Variants in UGT3A1 observed in about 807,000 individuals in gnomAD.
UGT3A1 encodes UDP-glycosyltransferase 3A1.
A neutral mutation model predicts 37.6 loss-of-function variants in UGT3A1; 40 were observed. That is an observed-to-expected ratio of 1.06 (90% confidence interval 0.83 to 1.38). UGT3A1 has a LOEUF of 1.38. UGT3A1 is among the 40% of genes most tolerant of loss of function. The pLI, the probability that UGT3A1 is intolerant of heterozygous loss-of-function variation, is 0.00. For synonymous variants in UGT3A1, 256 were observed against 232.3 expected, an observed-to-expected ratio of 1.10 and a Z score of -0.93; for missense variants, 642 against 634.2, an observed-to-expected ratio of 1.01 and a Z score of -0.13.
In UGT3A1 at chr5:35,954,459, C is replaced by T; in HGVS notation, c.1315G>A (p.Ala439Thr). The T allele has an allele frequency of 6.2e-7, 1 of 1,613,926 alleles. No individual in the cohort carries two copies. Residue 439 changes from alanine (A) to threonine (T), a missense_variant, in exon 7 of 7, where the codon GCA becomes ACA. Coordinates refer to ENST00000274278, the MANE Select transcript of UGT3A1 (RefSeq NM_152404.4). ...EDKRYKSAVV[A>T]ASVILHSQPL... ...TGAGAGTGCAGGATGACACTGGCTG[C>T]CACCACTGCCGACTTGTACCTGTTG...
At chr5:35,964,457 C>A (rs1434335018) in intron 4 of UGT3A1, among the ~76,000 whole-genome samples, 2 of 152,132 alleles carry the variant, frequency 1.3e-5, no homozygotes, top group Admixed American at 6.5e-5. Context: ...ACACCTACCA[C>A]CAATGCAAAG....
chr5:35,984,526 G>T (rs552894154), intron 2 of UGT3A1, among the ~76,000 whole-genome samples: 1 of 147,468 alleles, frequency 6.8e-6, no homozygotes, highest in African/African-American at 2.5e-5. Flanking sequence ...AGGCTGGAGT[G>T]CAGTGGGGCA....
chr5:35,973,487 T>C (rs1158312411), intron 2 of UGT3A1, among the ~76,000 whole-genome samples: 3 of 152,142 alleles, frequency 2.0e-5, no homozygotes, highest in Non-Finnish European at 4.4e-5. Context: ...GTTTGGTTAA[T>C]TGAATTAAAC....
At chr5:35,986,068 C>G (rs2149989637) in intron 2 of UGT3A1, among the ~76,000 whole-genome samples, 1 of 152,070 alleles carries the variant, frequency 6.6e-6, no homozygotes, top group African/African-American at 2.4e-5. Flanking sequence ...AAATAACCAA[C>G]AGATACATAA....
At chr5:35,991,080 G>T (rs1228014899) in intron 1 of UGT3A1, 67 bp downstream of exon 1, 29 of 1,613,798 alleles carry the variant, frequency 1.8e-5, no homozygotes, top group Non-Finnish European at 2.4e-5. Context: ...ATCGCCGTTC[G>T]CTGGAGCCCT....
At chr5:35,980,195 CT>C (rs1561468610) in intron 2 of UGT3A1, among the ~76,000 whole-genome samples, 1 of 152,176 alleles carries the variant, frequency 6.6e-6, no homozygotes, top group South Asian at 2.1e-4. Context: ...GAAGTTCAAT[CT>C]GTGGCCATGA....
At chr5:35,990,101 A>AG (rs1184815344) in intron 1 of UGT3A1, among the ~76,000 whole-genome samples, 1 of 148,482 alleles carries the variant, frequency 6.7e-6, no homozygotes, top group Non-Finnish European at 1.5e-5. Context: ...CAAAAAAAAA[A>AG]AAAAAAAGAA....
At position 35,965,882 on chromosome 5, in the gene UGT3A1, A is replaced by G; in HGVS notation, c.347T>C (p.Ile116Thr). The G allele has an allele frequency of 6.3e-7, 1 of 1,586,488 alleles. No homozygotes were observed. Among genetic ancestry groups the G allele is most frequent in the Non-Finnish European group, 8.6e-7 (1 of 1,168,944 alleles). Residue 116 changes from isoleucine (I) to threonine (T), a missense_variant, in exon 4 of 7, where the codon ATA becomes ACA. Physicochemically the swap from Ile to Thr is moderately conservative, Grantham distance 89. Transcript: ENST00000274278. ...ESEALVKLME[I>T]FGTQCSYLLS... ...CAAATAACTACATTGAGTCCCAAAT[A>G]TTTCCATTAGCTTTACAAGGGCTTC...
chr5:35,995,443 C>A (rs1387023822), upstream of UGT3A1, among the ~76,000 whole-genome samples: 1 of 152,190 alleles, frequency 6.6e-6, no homozygotes, highest in African/African-American at 2.4e-5. Context: ...GGCTGAATTA[C>A]GAGGCATAGT....
intron 1 of UGT3A1, 82 bp downstream of exon 1, chr5:35,991,065 G>A (rs1299496084): frequency 6.2e-7 from 1 of 1,613,574 alleles, no homozygotes; most frequent in East Asian, 2.2e-5. Context: ...GGATAACTCT[G>A]ATCAATCGCC....
intron 2 of UGT3A1, among the ~76,000 whole-genome samples, chr5:35,973,903 G>A (rs1260364534): frequency 1.3e-5 from 2 of 152,194 alleles, no homozygotes; most frequent in Non-Finnish European, 2.9e-5. Context: ...TGGAGACCTA[G>A]AGCATTAGCT....
intron 3 of UGT3A1, among the ~76,000 whole-genome samples, chr5:35,967,097 T>C: frequency 6.6e-6 from 1 of 152,034 alleles, no homozygotes; most frequent in East Asian, 1.9e-4. Context: ...ACTTAGAAAA[T>C]ATTTAACATG....
rs556303643 is a variant in UGT3A1, at chr5:35,975,361, G to A, written c.197-7228C>T. Among the ~76,000 whole-genome samples the A allele has an allele frequency of 2.0e-5, 3 of 152,312 alleles. No individual in the cohort carries two copies. In the East Asian group the frequency reaches 5.8e-4, roughly 29 times the overall value. ...GGTAACCTAGTCAGCTATCCAGGTA[G>A]CAGATTGATTACATTGGACCAATTC... On this transcript the variant is annotated intron_variant, in intron 2 of 6. Coordinates refer to ENST00000274278, the MANE Select transcript of UGT3A1 (RefSeq NM_152404.4).
In UGT3A1 at chr5:35,965,604, T is replaced by A. The variant is rs1739771691; in HGVS notation, c.625A>T (p.Ser209Cys). 2 of 1,613,990 alleles carry A rather than the reference T, an allele frequency of 1.2e-6. No individual in the cohort carries two copies. The highest frequency in any genetic ancestry group is 2.2e-5 in the South Asian group (2 of 91,078). ...GRVKNFLMFF[S>C]FSRSQWDMQS... The stretch of plus-strand genomic sequence containing the variant: ...ATGTCCCATTGGCTCCTGGAGAAAC[T>A]AAAGAACATCAGAAAATTCTTCACT... Residue 209 changes from serine (S) to cysteine (C), a missense_variant, in exon 4 of 7, where the codon AGT becomes TGT. Ser to Cys is a moderately radical substitution (Grantham distance 112, BLOSUM62 -1). Coordinates refer to ENST00000274278, the MANE Select transcript of UGT3A1 (RefSeq NM_152404.4).
chr5:35,994,696 G>C (rs1171908031), upstream of UGT3A1, among the ~76,000 whole-genome samples: 1 of 152,104 alleles, frequency 6.6e-6, no homozygotes, highest in Non-Finnish European at 1.5e-5. Flanking sequence ...GACTGAACCA[G>C]TTTAGGTTGT....
rs781343784 is a variant in UGT3A1 at position 35,988,457 on chromosome 5, C to G, written c.189G>C (p.Leu63Phe). ...VTMLHQSGKF[L>F]IPDIKEEEKS... ...AGTTTTTAAAAAAGATACCTGGGAT[C>G]AAAAACTTTCCACTCTGATGAAGCA... The change falls in exon 2 of 7, where the codon TTG becomes TTC. Residue 63 changes from leucine (L) to phenylalanine (F), a missense_variant. Transcript: ENST00000274278. 2 of 1,595,622 alleles carry G rather than the reference C, an allele frequency of 1.3e-6. No homozygotes were observed. Among genetic ancestry groups the G allele is most frequent in the African/African-American group, 1.4e-5 (1 of 73,822 alleles).
upstream of UGT3A1, among the ~76,000 whole-genome samples, chr5:35,993,389 A>C (rs1741011588): frequency 1.3e-5 from 2 of 151,848 alleles, no homozygotes; most frequent in Non-Finnish European, 2.9e-5. Flanking sequence ...GCTGGAACCC[A>C]GGAGGCGGAG....
chr5:35,989,958 G>C (rs1740872759), intron 1 of UGT3A1, among the ~76,000 whole-genome samples: 1 of 152,090 alleles, frequency 6.6e-6, no homozygotes. Context: ...GTGGTGGCGG[G>C]CGCCTGTAGT....
In UGT3A1 at chr5:35,954,372, C is replaced by A. The variant is rs774219153; in HGVS notation, c.1402G>T (p.Ala468Ser). Residue 468 changes from alanine (A) to serine (S), a missense_variant, in exon 7 of 7, where the codon GCG (alanine) becomes TCG (serine). Physicochemically the swap from Ala to Ser is moderately conservative, Grantham distance 99. Coordinates refer to ENST00000274278, the MANE Select transcript of UGT3A1 (RefSeq NM_152404.4). ...WIDHILQTGG[A>S]THLKPYAFQQ... ...AAGGCATAGGGCTTGAGGTGCGTCG[C>A]TCCCCCAGTCTGGAGGATGTGGTCG... 1.9e-6 allele frequency: 3 copies of A among 1,614,202 alleles called. No homozygotes were observed. In the South Asian group the frequency reaches 3.3e-5, roughly 18 times the overall value.
Sources: allele counts gnomAD v4.1 joint callset (sites outside exome capture counted in the v4.1 genomes callset), GRCh38; gene constraint gnomAD v4.1.1; transcripts MANE v1.5; gene names NCBI Gene and HGNC (gene_info 2026-07-23, HGNC 2026-07-21).